Variants in SRFBP1 observed in about 807,000 individuals in gnomAD.
The protein encoded by SRFBP1 is serum response factor binding protein 1.
In SRFBP1, 47 loss-of-function variants were observed where a neutral mutation model predicts 45.5. The observed-to-expected ratio is 1.03, with a 90% CI of 0.82 to 1.32. SRFBP1 has a LOEUF of 1.32. Ranked by LOEUF, SRFBP1 falls within the 40% of genes most tolerant of loss-of-function variation. The probability of loss-of-function intolerance (pLI) is 0.00; values close to 1 mark genes in which losing one functional copy is unlikely to be tolerated. For missense variants in SRFBP1, 621 were observed against 484.6 expected (o/e 1.28, Z -2.64); for synonymous variants, 203 against 166.3 (o/e 1.22, Z -1.70).
chr5:122,027,246 A>G lies in SRFBP1; in HGVS notation c.*120A>G, dbSNP rs1028780383. On this transcript the variant is annotated 3_prime_UTR_variant, in exon 8 of 8. Transcript: ENST00000339397. Reference sequence around the variant, plus strand: ...TGCAATCACAGCTCACTGCAGCCTCAAACTCCTGGGCTCAAGTGATCCTCC... The same window carrying G: ...TGCAATCACAGCTCACTGCAGCCTCGAACTCCTGGGCTCAAGTGATCCTCC... 1.3e-6 allele frequency: 1 copy of G among 793,900 alleles called. No homozygotes were observed. Among genetic ancestry groups the G allele is most frequent in the East Asian group, 2.9e-5 (1 of 34,284 alleles). The allele number at this position is 793,900 out of a possible 1,614,324, so 49.2% of individuals were successfully genotyped here.
At chr5:122,074,736 T>C (rs967588266) in intron 2 of SRFBP1, among the ~76,000 whole-genome samples, 5 of 152,238 alleles carry the variant, frequency 3.3e-5, no homozygotes, top group African/African-American at 1.2e-4. Flanking sequence ...ATATCTACTT[T>C]TGTTATTTCA....
At chr5:122,049,081 T>C (rs1442033479) in intron 2 of SRFBP1, among the ~76,000 whole-genome samples, 2 of 152,186 alleles carry the variant, frequency 1.3e-5, no homozygotes, top group Non-Finnish European at 2.9e-5. Context: ...TTTCTTGTCT[T>C]CTGCTAGCTT....
chr5:122,038,334 G>T (rs927161005), intron 2 of SRFBP1, among the ~76,000 whole-genome samples: 1 of 152,046 alleles, frequency 6.6e-6, no homozygotes, highest in Non-Finnish European at 1.5e-5. Context: ...GACTAGCCAG[G>T]GCTAAAAAAC....
downstream of SRFBP1, among the ~76,000 whole-genome samples, chr5:122,030,162 T>A (rs1421930473): frequency 6.6e-6 from 1 of 152,216 alleles, no homozygotes. Flanking sequence ...TGTTTCTCTC[T>A]GTGAAAGCAA....
chr5:122,073,629 T>C (rs1754520995), intron 2 of SRFBP1, among the ~76,000 whole-genome samples: 1 of 152,148 alleles, frequency 6.6e-6, no homozygotes, highest in Admixed American at 6.5e-5. Context: ...CATTCAGACT[T>C]TTTCAGAGAG....
chr5:121,999,099 A>T (rs1752799547), intron 4 of SRFBP1, among the ~76,000 whole-genome samples: 1 of 152,136 alleles, frequency 6.6e-6, no homozygotes. Flanking sequence ...GACCTTTTCT[A>T]ATAAAAGCAT....
At chr5:122,053,394 G>T (rs7727610) in intron 2 of SRFBP1, among the ~76,000 whole-genome samples, 12,263 of 152,028 alleles carry the variant, frequency 0.081, 780 homozygotes, top group African/African-American at 0.17. Flanking sequence ...TGGCTGCCAG[G>T]GGTGGAAGTG....
rs185500162 is a variant in SRFBP1 at position 122,040,837 on chromosome 5, A to T, written n.311+18430A>T. On this transcript the variant is annotated intron_variant and non_coding_transcript_variant, in intron 2 of 2. Transcript: ENST00000504881. ...AAGCCTCCCTCCCTCAATTTTTCAG[A>T]TCTCTGTTCAAAGGTCATCTTGTTA... Among the ~76,000 whole-genome samples, 8 of 152,234 alleles carry T rather than the reference A, an allele frequency of 5.3e-5. No homozygotes were observed. The East Asian group carries it at 1.5e-3, about 29-fold the overall frequency.
intron 1 of SRFBP1, among the ~76,000 whole-genome samples, chr5:121,967,935 G>T (rs1288107147): frequency 6.6e-6 from 1 of 152,130 alleles, no homozygotes; most frequent in East Asian, 1.9e-4. Flanking sequence ...TACTTCCTAT[G>T]TTTAGGAAAT....
chr5:122,024,855 C>T (rs1329491958), intron 7 of SRFBP1, among the ~76,000 whole-genome samples: 3 of 152,136 alleles, frequency 2.0e-5, no homozygotes. Context: ...TTTACATATA[C>T]AACTCTATGT....
At position 121,994,669 on chromosome 5, in the gene SRFBP1, AG is replaced by A; in HGVS notation, c.270+1del. ...ATCAACTTTGAAAAAATCTTCAAAAAGGTATATCTGCAATAGATTATATTTG... is the reference window on the plus strand; with the variant it reads ...ATCAACTTTGAAAAAATCTTCAAAAAGTATATCTGCAATAGATTATATTTG... ...DDINFEKIFK[K>X]PDSTATERAI... On this transcript the variant is annotated frameshift_variant and splice_region_variant, in exon 4 of 8. Transcript: ENST00000339397. LOFTEE classifies it high-confidence loss of function. 6.4e-7 allele frequency: 1 copy of A among 1,572,942 alleles called. No homozygotes were observed. The highest frequency in any genetic ancestry group is 1.4e-5 in the African/African-American group (1 of 73,500).
chr5:121,986,818 A>C (rs899044962), intron 3 of SRFBP1, among the ~76,000 whole-genome samples: 1 of 152,126 alleles, frequency 6.6e-6, no homozygotes, highest in African/African-American at 2.4e-5. Flanking sequence ...ATAGTTTTTG[A>C]TTGGAAAGAA....
chr5:122,018,729 C>T (rs775073080), intron 4 of SRFBP1, among the ~76,000 whole-genome samples: 5 of 152,114 alleles, frequency 3.3e-5, no homozygotes, highest in African/African-American at 1.2e-4. Flanking sequence ...ATATTGAATA[C>T]TGTATATAAT....
In SRFBP1 at chr5:122,019,256, G is replaced by C; in HGVS notation, c.271-4G>C. 6.2e-7 allele frequency: 1 copy of C among 1,609,308 alleles called. No homozygotes were observed. The highest frequency in any genetic ancestry group is 1.7e-5 in the Admixed American group (1 of 59,370). On this transcript the variant is annotated splice_polypyrimidine_tract_variant and splice_region_variant and intron_variant, in intron 4 of 7. Transcript: ENST00000339397. ...ATACGTTTATTATATTTTTAAATTT[G>C]CAGCCAGATTCTACTGCAACTGAAA...
chr5:122,050,051 G>T (rs778210481), intron 2 of SRFBP1, among the ~76,000 whole-genome samples: 4 of 152,090 alleles, frequency 2.6e-5, no homozygotes, highest in Non-Finnish European at 4.4e-5. Context: ...CATATTTATT[G>T]ATTTGCATAT....
In SRFBP1 at chr5:122,071,219, G is replaced by GTGTGTA. The variant is rs1554060862; in HGVS notation, n.312-4095_312-4094insGTGTAT. ...TGTGTGTGTGTGTGTGTGTGTGTGT[G>GTGTGTA]TATAAAAATTCAATTTTCACAACTA... is the stretch of plus-strand genomic sequence containing the variant. On this transcript the variant is annotated intron_variant and non_coding_transcript_variant, in intron 2 of 2. Coordinates refer to the SRFBP1 transcript ENST00000504881. Among the ~76,000 whole-genome samples the GTGTGTA allele has an allele frequency of 2.1e-4, 30 of 144,184 alleles. 1 individual carries two copies. The South Asian group carries it at 6.1e-3, about 29-fold the overall frequency. The allele number at this position is 144,184 out of a possible 152,430, so 94.6% of individuals were successfully genotyped here.
At chr5:122,078,013 C>G, downstream of SRFBP1, 1 of 1,436,084 alleles carries the variant, frequency 7.0e-7, no homozygotes, top group Non-Finnish European at 9.1e-7. Flanking sequence ...TGACCCCGCT[C>G]GAGGAGGACG....
intron 4 of SRFBP1, among the ~76,000 whole-genome samples, chr5:122,008,147 C>T (rs1040875979): frequency 5.3e-5 from 8 of 151,736 alleles, no homozygotes; most frequent in Admixed American, 1.3e-4. Context: ...CAAGTGCTGA[C>T]CTGATACTGG....
intron 1 of SRFBP1, among the ~76,000 whole-genome samples, chr5:121,973,829 G>C (rs1752249082): frequency 6.6e-6 from 1 of 151,746 alleles, no homozygotes; most frequent in African/African-American, 2.4e-5. Context: ...TATGAGTGAG[G>C]CTTTGTTTTA....
Sources: allele counts gnomAD v4.1 joint callset (sites outside exome capture counted in the v4.1 genomes callset), GRCh38; gene constraint gnomAD v4.1.1; transcripts MANE v1.5; gene names NCBI Gene and HGNC (gene_info 2026-07-23, HGNC 2026-07-21).